TESK2: variants seen among roughly 807,000 people sequenced by gnomAD.
TESK2 encodes the protein testis associated actin remodelling kinase 2.
In TESK2, 39 loss-of-function variants were observed where a neutral mutation model predicts 57.1. That is an observed-to-expected ratio of 0.68 (90% CI 0.53 to 0.89). The LOEUF is 0.89. TESK2 is among the 40% of genes least tolerant of loss of function. The pLI is 0.00. For missense variants in TESK2, 646 were observed against 732.1 expected, an observed-to-expected ratio of 0.88 and a Z score of 1.36; for synonymous variants, 249 against 267.9, an observed-to-expected ratio of 0.93 and a Z score of 0.69.
chr1:45,357,396 T>C (rs141925591), intron 4 of TESK2, among the ~76,000 whole-genome samples: 42 of 151,952 alleles, frequency 2.8e-4, no homozygotes, highest in African/African-American at 9.6e-4. Context: ...CAGGAAATCA[T>C]TGGCAACCTT....
intron 1 of TESK2, among the ~76,000 whole-genome samples, chr1:45,468,368 T>C (rs1290483319): frequency 8.5e-5 from 13 of 152,134 alleles, no homozygotes; most frequent in Admixed American, 8.5e-4. Context: ...TTCCAAACCA[T>C]GCCTTCTGCT....
At chr1:45,411,035 A>G (rs1345676908) in intron 3 of TESK2, among the ~76,000 whole-genome samples, 1 of 152,190 alleles carries the variant, frequency 6.6e-6, no homozygotes, top group Non-Finnish European at 1.5e-5. Flanking sequence ...AAAGGCCACA[A>G]GGTTAGGATT....
chr1:45,354,694 T>G (rs1292280233), intron 5 of TESK2, among the ~76,000 whole-genome samples: 1 of 140,556 alleles, frequency 7.1e-6, no homozygotes, highest in African/African-American at 2.7e-5. Flanking sequence ...GAGGCTGAGG[T>G]AGGAGGATTG....
intron 3 of TESK2, among the ~76,000 whole-genome samples, chr1:45,393,752 A>G (rs1649243180): frequency 1.3e-5 from 2 of 152,100 alleles, no homozygotes; most frequent in South Asian, 4.1e-4. Flanking sequence ...AAAAAAAAAA[A>G]AAAGAGCTTG....
At chr1:45,345,790 T>TG (rs1348944223) in intron 10 of TESK2, 87 bp downstream of exon 10, 1 of 1,145,298 alleles carries the variant, frequency 8.7e-7, no homozygotes, top group Non-Finnish European at 1.3e-6. Flanking sequence ...CCTGGGATCC[T>TG]GGCAATCACA....
chr1:45,372,267 TA>T (rs113568988), intron 4 of TESK2, among the ~76,000 whole-genome samples: 52 of 137,784 alleles, frequency 3.8e-4, no homozygotes, highest in Admixed American at 5.1e-4. Context: ...AAATAACAAT[TA>T]AAAAAAAAAA....
intron 1 of TESK2, among the ~76,000 whole-genome samples, chr1:45,471,396 A>AATAG (rs1178819049): frequency 2.0e-5 from 3 of 152,040 alleles, no homozygotes; most frequent in African/African-American, 7.2e-5. Context: ...CAATGAATAT[A>AATAG]ATAGAGTACA....
intron 3 of TESK2, among the ~76,000 whole-genome samples, chr1:45,414,327 G>A (rs1384495011): frequency 1.3e-5 from 2 of 152,140 alleles, no homozygotes; most frequent in East Asian, 3.9e-4. Flanking sequence ...CACCATCAGA[G>A]GGCAAACCCA....
chr1:45,446,626 C>T (rs566051421), intron 2 of TESK2, among the ~76,000 whole-genome samples: 2 of 151,766 alleles, frequency 1.3e-5, no homozygotes, highest in South Asian at 4.2e-4. Flanking sequence ...AGAAAGTAAC[C>T]GAAGATAGAA....
chr1:45,466,295 T>G (rs1652548610), intron 1 of TESK2, among the ~76,000 whole-genome samples: 1 of 152,022 alleles, frequency 6.6e-6, no homozygotes, highest in South Asian at 2.1e-4. Flanking sequence ...GCCAACATGG[T>G]GAAACCCTGT....
At chr1:45,459,644 C>T (rs1652253386) in intron 1 of TESK2, among the ~76,000 whole-genome samples, 1 of 152,086 alleles carries the variant, frequency 6.6e-6, no homozygotes, top group Non-Finnish European at 1.5e-5. Context: ...GAGTTTGAAA[C>T]CAGTAAGGGC....
chr1:45,439,310 C>G (rs1033873195), intron 2 of TESK2, among the ~76,000 whole-genome samples: 1 of 152,102 alleles, frequency 6.6e-6, no homozygotes, highest in Non-Finnish European at 1.5e-5. Context: ...CAGATACTAG[C>G]TCTTTTAGTT....
chr1:45,381,961 C>T, intron 4 of TESK2, among the ~76,000 whole-genome samples: 1 of 150,358 alleles, frequency 6.7e-6, no homozygotes. Flanking sequence ...CCTTCAACCT[C>T]CTGGGCTCAA....
At chr1:45,385,692 G>GTGTA (rs1395221522) in intron 4 of TESK2, among the ~76,000 whole-genome samples, 2 of 139,838 alleles carry the variant, frequency 1.4e-5, no homozygotes, top group East Asian at 3.9e-4. Flanking sequence ...AGAACTTAAA[G>GTGTA]TGTATGTGTG....
intron 4 of TESK2, among the ~76,000 whole-genome samples, chr1:45,363,366 C>T (rs1182683481): frequency 6.6e-6 from 1 of 152,182 alleles, no homozygotes; most frequent in African/African-American, 2.4e-5. Context: ...CCATTTTCCA[C>T]AATATAGCCA....
At chr1:45,385,073 A>C (rs1648835837) in intron 4 of TESK2, among the ~76,000 whole-genome samples, 1 of 152,120 alleles carries the variant, frequency 6.6e-6, no homozygotes, top group Non-Finnish European at 1.5e-5. Context: ...TTTCCTTCCT[A>C]AGTTTCTTCA....
chr1:45,371,264 A>G (rs1361382852), intron 4 of TESK2, among the ~76,000 whole-genome samples: 1 of 152,190 alleles, frequency 6.6e-6, no homozygotes, highest in Admixed American at 6.5e-5. Context: ...TATGTACCCA[A>G]AAGTCTGGAA....
Position 45,345,656 on chromosome 1 carries a change from A to G in TESK2, c.998-98T>C, listed in dbSNP as rs1245864117. On this transcript the variant is annotated intron_variant, in intron 10 of 10. Transcript: ENST00000372086. ...TTTCACTCATGAAAGCAAAGCTGAT[A>G]CCATGGCCCTGTTTTACCAATGAAG... 5.2e-6 allele frequency: 6 copies of G among 1,162,138 alleles called. No individual in the cohort carries two copies. The Admixed American group carries it at 8.1e-5, about 16-fold the overall frequency. 72.0% of individuals were successfully genotyped at this position (1,162,138 alleles called of 1,614,324 possible).
At position 45,413,886 on chromosome 1, in the gene TESK2, T is replaced by G. The variant is rs1265318067; in HGVS notation, c.344+7839A>C. ...ACTTCTGCACCTATAAAAGAAAGCTTATAATGTTTACAGCTTGAAAATAGA... is the reference window on the plus strand; with the variant it reads ...ACTTCTGCACCTATAAAAGAAAGCTGATAATGTTTACAGCTTGAAAATAGA... On this transcript the variant is annotated intron_variant, in intron 3 of 10. Transcript: ENST00000372086. 1.3e-5 allele frequency: 6 copies of G among 455,464 alleles called. No individual in the cohort carries two copies. In the East Asian group the frequency reaches 4.2e-4, roughly 32 times the overall value. 28.2% of individuals were successfully genotyped at this position (455,464 alleles called of 1,614,324 possible).
Sources: allele counts gnomAD v4.1 joint callset (sites outside exome capture counted in the v4.1 genomes callset), GRCh38; gene constraint gnomAD v4.1.1; transcripts MANE v1.5; gene names NCBI Gene and HGNC (gene_info 2026-07-23, HGNC 2026-07-21).